The following UNC5C variants were observed in gnomAD, a reference collection of about 807,000 sequenced individuals.
UNC5C encodes the protein netrin receptor UNC5C.
UNC5C carries 47 observed loss-of-function variants against 99.8 expected under a neutral mutation model. The observed-to-expected ratio is 0.47, with a 90% CI of 0.37 to 0.60. The LOEUF is 0.60. UNC5C is among the 20% of genes least tolerant of loss of function. UNC5C has a pLI of 0.00. For synonymous variants in UNC5C, 487 were observed against 452.2 expected, an observed-to-expected ratio of 1.08 and a Z score of -0.98; for missense variants, 1,062 against 1,165.9, an observed-to-expected ratio of 0.91 and a Z score of 1.30.
chr4:95,500,045 T>C (rs1183299445), intron 1 of UNC5C, among the ~76,000 whole-genome samples: 1 of 152,076 alleles, frequency 6.6e-6, no homozygotes, highest in Non-Finnish European at 1.5e-5. Flanking sequence ...GAACTAAAGG[T>C]AGTTTGACCA....
intron 1 of UNC5C, among the ~76,000 whole-genome samples, chr4:95,488,799 T>G (rs2149480611): frequency 6.6e-6 from 1 of 151,854 alleles, no homozygotes; most frequent in African/African-American, 2.4e-5. Flanking sequence ...TAGCATAGAA[T>G]ATTTCAAATA....
At chr4:95,237,584 A>G (rs905083706) in intron 7 of UNC5C, among the ~76,000 whole-genome samples, 4 of 152,160 alleles carry the variant, frequency 2.6e-5, no homozygotes, top group Non-Finnish European at 5.9e-5. Context: ...TTAATTTTTC[A>G]GTTGAAATTA....
chr4:95,174,537 A>G (rs1242306676), intron 14 of UNC5C, among the ~76,000 whole-genome samples: 2 of 152,080 alleles, frequency 1.3e-5, no homozygotes, highest in African/African-American at 2.4e-5. Context: ...TTCAGTTTCT[A>G]TGTAGTTGAG....
intron 7 of UNC5C, among the ~76,000 whole-genome samples, chr4:95,224,154 G>T (rs565512203): frequency 1.3e-5 from 2 of 152,162 alleles, no homozygotes; most frequent in Admixed American, 1.3e-4. Context: ...ATGGTGGCGC[G>T]TGCCTGTGAT....
chr4:95,546,508 G>C (rs930844958), intron 1 of UNC5C, among the ~76,000 whole-genome samples: 2 of 152,088 alleles, frequency 1.3e-5, no homozygotes, highest in Admixed American at 6.5e-5. Context: ...AGATAAAAGC[G>C]GTGGAATAGT....
chr4:95,438,584 G>A (rs1466927062), intron 1 of UNC5C, among the ~76,000 whole-genome samples: 1 of 152,056 alleles, frequency 6.6e-6, no homozygotes, highest in Non-Finnish European at 1.5e-5. Context: ...CAATAATATA[G>A]TTATCACTCA....
chr4:95,540,747 T>A lies in UNC5C; in HGVS notation c.124+7987A>T, dbSNP rs1722898363. On this transcript the variant is annotated intron_variant, in intron 1 of 15. Transcript: ENST00000453304. ...AAAACGAAATTCAAATGTCAATGTA[T>A]TTCACATAGACATACAGTTCAAAGT... is the stretch of plus-strand genomic sequence containing the variant. 2.0e-5 allele frequency among the ~76,000 whole-genome samples: 3 copies of A among 152,220 alleles called. No homozygotes were observed. In the South Asian group the frequency reaches 6.2e-4, roughly 31 times the overall value.
At chr4:95,470,527 G>A (rs1747935865) in intron 1 of UNC5C, among the ~76,000 whole-genome samples, 2 of 152,062 alleles carry the variant, frequency 1.3e-5, no homozygotes, top group Admixed American at 6.6e-5. Flanking sequence ...AGCCCACCTT[G>A]AGTAGCTCTA....
At chr4:95,347,651 C>T (rs1247280905) in intron 1 of UNC5C, among the ~76,000 whole-genome samples, 2 of 151,882 alleles carry the variant, frequency 1.3e-5, no homozygotes, top group East Asian at 3.9e-4. Context: ...GACATATACA[C>T]TGGAAAAAGG....
chr4:95,264,545 C>T (rs1483761984), intron 4 of UNC5C, among the ~76,000 whole-genome samples: 2 of 152,182 alleles, frequency 1.3e-5, no homozygotes, highest in Non-Finnish European at 2.9e-5. Context: ...GCCTGCATCT[C>T]TTCTAACCTA....
intron 2 of UNC5C, among the ~76,000 whole-genome samples, chr4:95,305,511 G>A (rs1160828253): frequency 6.6e-6 from 1 of 152,128 alleles, no homozygotes; most frequent in Non-Finnish European, 1.5e-5. Context: ...GCTTTGAAGA[G>A]CATTTGGGAA....
At position 95,194,352 on chromosome 4, in the gene UNC5C, C is replaced by T. The variant is rs533758741; in HGVS notation, c.2136+8379G>A. ...TTTAAACTTCTATATTAGTTTTCTA[C>T]TGTTGCCATAAGAAATCACCACTAA... On this transcript the variant is annotated intron_variant, in intron 12 of 15. Coordinates refer to ENST00000453304, the MANE Select transcript of UNC5C (RefSeq NM_003728.4). Among the ~76,000 whole-genome samples the T allele has an allele frequency of 2.3e-3, 355 of 152,292 alleles. 1 individual carries two copies. Among genetic ancestry groups the T allele is most frequent in the Middle Eastern group, 0.01 (3 of 294 alleles).
chr4:95,358,789 T>A (rs1744293777), intron 1 of UNC5C, among the ~76,000 whole-genome samples: 2 of 152,196 alleles, frequency 1.3e-5, no homozygotes, highest in South Asian at 4.1e-4. Flanking sequence ...CAGCCTGCAA[T>A]CTTTACATGA....
At chr4:95,204,630 C>T (rs575196474) in intron 11 of UNC5C, among the ~76,000 whole-genome samples, 34 of 152,226 alleles carry the variant, frequency 2.2e-4, no homozygotes, top group Non-Finnish European at 3.4e-4. Flanking sequence ...GAGAAATCCA[C>T]GCGTGAGCAT....
chr4:95,481,047 T>A (rs1721135953), intron 1 of UNC5C, among the ~76,000 whole-genome samples: 1 of 150,290 alleles, frequency 6.7e-6, no homozygotes, highest in Non-Finnish European at 1.5e-5. Context: ...GGTATTCAAT[T>A]AGGAAAAGAG....
intron 4 of UNC5C, among the ~76,000 whole-genome samples, chr4:95,263,218 T>C (rs1367356189): frequency 6.6e-6 from 1 of 152,184 alleles, no homozygotes; most frequent in Non-Finnish European, 1.5e-5. Context: ...TAACTTTAAG[T>C]CAACAATTCT....
chr4:95,224,969 C>G (rs1363048308), intron 7 of UNC5C, among the ~76,000 whole-genome samples: 1 of 151,470 alleles, frequency 6.6e-6, no homozygotes, highest in East Asian at 1.9e-4. Context: ...TACGAAAGTC[C>G]TGACAGAAAG....
At chr4:95,244,170 T>C (rs1224777416) in intron 6 of UNC5C, among the ~76,000 whole-genome samples, 3 of 152,180 alleles carry the variant, frequency 2.0e-5, no homozygotes, top group East Asian at 1.9e-4. Context: ...AACAATAAAA[T>C]TGAAAACACA....
At chr4:95,386,442 T>G (rs1042166475) in intron 1 of UNC5C, among the ~76,000 whole-genome samples, 1 of 152,136 alleles carries the variant, frequency 6.6e-6, no homozygotes, top group Non-Finnish European at 1.5e-5. Flanking sequence ...TATTCACTTC[T>G]CCACATTTTT....
Sources: allele counts gnomAD v4.1 joint callset (sites outside exome capture counted in the v4.1 genomes callset), GRCh38; gene constraint gnomAD v4.1.1; transcripts MANE v1.5; gene names NCBI Gene and HGNC (gene_info 2026-07-23, HGNC 2026-07-21).